Variants in NUP98 observed in about 807,000 individuals in gnomAD.
NUP98 encodes nuclear pore complex protein Nup98-Nup96.
A neutral mutation model predicts 191.9 loss-of-function variants in NUP98; 26 were observed. The ratio of observed to expected loss-of-function variants is 0.14; its 90% CI spans 0.10 to 0.19. NUP98 has a LOEUF of 0.19. Among genes scored for constraint, NUP98 ranks in the 10% least tolerant of loss-of-function variants. NUP98 has a pLI of 1.00. For missense variants in NUP98, 1,941 were observed against 2,178.8 expected (o/e 0.89, Z 2.17); for synonymous variants, 808 against 778.4 (o/e 1.04, Z -0.63).
intron 8 of NUP98, among the ~76,000 whole-genome samples, chr11:3,768,066 A>T (rs1341433677): frequency 2.0e-5 from 3 of 152,150 alleles, no homozygotes; most frequent in Non-Finnish European, 1.5e-5. Flanking sequence ...TGATCGCCTC[A>T]ATAGCATCTC....
At chr11:3,732,210 T>G (rs2079877014) in intron 13 of NUP98, among the ~76,000 whole-genome samples, 1 of 152,086 alleles carries the variant, frequency 6.6e-6, no homozygotes, top group Admixed American at 6.6e-5. Flanking sequence ...ATCGCACCAC[T>G]GCACTCCAGC....
intron 12 of NUP98, among the ~76,000 whole-genome samples, chr11:3,742,699 C>CAAAAAAAAAAAAAAAA (rs35895691): frequency 1.2e-5 from 1 of 82,890 alleles, no homozygotes; most frequent in Admixed American, 1.4e-4. Flanking sequence ...ACTCTGTCTC[C>CAAAAAAAAAAAAAAAA]AAAAAAAAAA....
At chr11:3,692,739 C>G (rs1207070150) in intron 27 of NUP98, among the ~76,000 whole-genome samples, 1 of 152,178 alleles carries the variant, frequency 6.6e-6, no homozygotes, top group African/African-American at 2.4e-5. Context: ...TATCTTGCCA[C>G]AATTCTTAAT....
chr11:3,676,053 T>C lies in NUP98; in HGVS notation c.*106A>G. The C allele has an allele frequency of 9.3e-7, 1 of 1,073,146 alleles. No individual in the cohort carries two copies. The highest frequency in any genetic ancestry group is 1.4e-6 in the Non-Finnish European group (1 of 731,156). The allele number at this position is 1,073,146 out of a possible 1,614,324, so 66.5% of individuals were successfully genotyped here. On this transcript the variant is annotated 3_prime_UTR_variant, in exon 33 of 33. Coordinates refer to ENST00000324932, the MANE Select transcript of NUP98 (RefSeq NM_016320.5). ...TCTGGCAGCAGGGAGGGAGGGTAGA[T>C]GCCACAGCCAACCCAGAGAATGGCA... is the stretch of plus-strand genomic sequence containing the variant.
chr11:3,777,466 C>T (rs373101599), intron 4 of NUP98, among the ~76,000 whole-genome samples: 8 of 151,474 alleles, frequency 5.3e-5, no homozygotes, highest in East Asian at 1.9e-4. Flanking sequence ...ACTAAAAATA[C>T]AAAAATTAGC....
intron 9 of NUP98, among the ~76,000 whole-genome samples, chr11:3,761,874 G>A (rs1356078936): frequency 6.6e-6 from 1 of 152,112 alleles, no homozygotes; most frequent in African/African-American, 2.4e-5. Context: ...AGCCTGGGAG[G>A]GAGAGGTTGC....
intron 5 of NUP98, 63 bp from the exon 6 acceptor site, chr11:3,773,802 C>A: frequency 1.0e-6 from 1 of 956,236 alleles, no homozygotes; most frequent in Non-Finnish European, 1.7e-6. Context: ...CTCTCAGATA[C>A]AATTTCTCAA....
At chr11:3,676,449 G>A in intron 32 of NUP98, 60 bp downstream of exon 32, 3 of 1,600,538 alleles carry the variant, frequency 1.9e-6, no homozygotes, top group Non-Finnish European at 1.7e-6. Flanking sequence ...AGGGTGGGGT[G>A]TAATAATCAT....
At chr11:3,759,280 A>T (rs1171451496) in intron 10 of NUP98, among the ~76,000 whole-genome samples, 1 of 152,232 alleles carries the variant, frequency 6.6e-6, no homozygotes, top group African/African-American at 2.4e-5. Flanking sequence ...TTTTGAAAAC[A>T]TAATTAGGTA....
chr11:3,700,254 G>A (rs1391067339), intron 24 of NUP98, among the ~76,000 whole-genome samples: 1 of 132,116 alleles, frequency 7.6e-6, no homozygotes, highest in East Asian at 2.3e-4. Context: ...CAGTGACAGA[G>A]TGAGACTCCG....
intron 12 of NUP98, among the ~76,000 whole-genome samples, chr11:3,739,582 C>T (rs1236263596): frequency 6.6e-6 from 1 of 152,114 alleles, no homozygotes; most frequent in Non-Finnish European, 1.5e-5. Context: ...AAAATCCGCA[C>T]AGAGATCAAT....
intron 14 of NUP98, among the ~76,000 whole-genome samples, chr11:3,730,237 A>C (rs1438756855): frequency 6.6e-6 from 1 of 152,212 alleles, no homozygotes; most frequent in Non-Finnish European, 1.5e-5. Flanking sequence ...TATCAAAAAA[A>C]TAAATAAATA....
intron 15 of NUP98, 94 bp downstream of exon 15, chr11:3,725,009 C>T: frequency 3.2e-6 from 2 of 623,284 alleles, no homozygotes; most frequent in South Asian, 2.3e-5. Flanking sequence ...TAATATTCAT[C>T]AAACTTCATA....
chr11:3,793,822 T>C (rs1294845762), intron 1 of NUP98, among the ~76,000 whole-genome samples: 1 of 151,558 alleles, frequency 6.6e-6, no homozygotes, highest in Non-Finnish European at 1.5e-5. Context: ...AATACAAAAT[T>C]AGCTGGGTGT....
intron 10 of NUP98, among the ~76,000 whole-genome samples, chr11:3,757,665 G>A (rs545070867): frequency 6.6e-6 from 1 of 151,900 alleles, no homozygotes; most frequent in South Asian, 2.1e-4. Context: ...TGGGCGTGGT[G>A]GTGCATGCCT....
In NUP98 at chr11:3,702,721, G is replaced by C; in HGVS notation, c.3254C>G (p.Pro1085Arg). The C allele has an allele frequency of 6.2e-7, 1 of 1,614,190 alleles. No homozygotes were observed. Among genetic ancestry groups the C allele is most frequent in the South Asian group, 1.1e-5 (1 of 91,090 alleles). Residue 1085 changes from proline to arginine, a missense_variant, in exon 23 of 33, where the codon CCT (proline) becomes CGT (arginine). Physicochemically the swap from Pro to Arg is moderately radical, Grantham distance 103. Around this residue, in one of 6 missense-constraint regions of NUP98, gnomAD observed 1,030 missense variants for 1,115.8 expected, o/e 0.92. Coordinates refer to ENST00000324932, the MANE Select transcript of NUP98 (RefSeq NM_016320.5). ...ACCCACTGTTTTCAACGGAACCTCA[G>C]GGGCTGGGCTGGGCATTGTGAACAC... ...TSVFTMPSPA[P>R]EVPLKTVGTR...
intron 18 of NUP98, 27 bp from the exon 19 acceptor site, chr11:3,714,022 C>T (rs1175342265): frequency 1.9e-6 from 3 of 1,608,480 alleles, no homozygotes; most frequent in South Asian, 2.2e-5. Context: ...ATTAAAGTAA[C>T]CAATTAAAGT....
Position 3,685,740 on chromosome 11 carries a change from G to A in NUP98, c.4676+233C>T, listed in dbSNP as rs2078115365. On this transcript the variant is annotated intron_variant, in intron 29 of 32. Transcript: ENST00000324932. ...TTCTCAGACTGCTGAGAGACTTTGT[G>A]ATAAATATTATAATTTGGCACTTAA... 1.3e-5 allele frequency among the ~76,000 whole-genome samples: 2 copies of A among 152,158 alleles called. 1 individual carries two copies. Among genetic ancestry groups the A allele is most frequent in the South Asian group, 4.1e-4 (2 of 4,836 alleles).
chr11:3,781,182 T>C (rs1239917261), intron 2 of NUP98, among the ~76,000 whole-genome samples: 2 of 102,756 alleles, frequency 1.9e-5, no homozygotes, highest in East Asian at 5.6e-4. Flanking sequence ...CAGGATCCTA[T>C]CTCAAAAAAA....
Sources: gnomAD v4.1 joint callset for allele counts (sites outside exome capture counted in the v4.1 genomes callset) on GRCh38, gnomAD v4.1.1 for gene constraint, gnomAD v4.1.1 regional missense constraint, MANE v1.5 for transcripts, NCBI Gene and HGNC (gene_info 2026-07-23, HGNC 2026-07-21) for gene names.